Variants in CNTN4 observed in about 807,000 individuals in gnomAD.
CNTN4 encodes the protein contactin 4, also known as contactin-4.
CNTN4 carries 77 observed loss-of-function variants against 122.5 expected under a neutral mutation model. The ratio of observed to expected loss-of-function variants is 0.63; its 90% CI spans 0.52 to 0.76. CNTN4 has a LOEUF of 0.76. Among genes scored for constraint, CNTN4 ranks in the 30% least tolerant of loss-of-function variants. The pLI is 0.00. For missense variants in CNTN4, 1,256 were observed against 1,259.1 expected, an observed-to-expected ratio of 1.00 and a Z score of 0.04; for synonymous variants, 512 against 447.0, an observed-to-expected ratio of 1.15 and a Z score of -1.83.
chr3:2,366,595 C>T (rs887429332), intron 3 of CNTN4, among the ~76,000 whole-genome samples: 2 of 151,746 alleles, frequency 1.3e-5, no homozygotes, highest in South Asian at 2.1e-4. Context: ...GGCATGGTGG[C>T]GGGCGCCTGT....
At chr3:2,676,846 G>T (rs1050499622) in intron 4 of CNTN4, among the ~76,000 whole-genome samples, 26 of 152,210 alleles carry the variant, frequency 1.7e-4, no homozygotes, top group African/African-American at 6.3e-4. Context: ...TAGAGAGCAT[G>T]TATCATCCAG....
At chr3:2,291,119 C>A (rs934479849) in intron 2 of CNTN4, among the ~76,000 whole-genome samples, 2 of 152,132 alleles carry the variant, frequency 1.3e-5, no homozygotes, top group African/African-American at 4.8e-5. Flanking sequence ...CCCATCACTG[C>A]AGATGTGATG....
At chr3:2,603,488 G>T (rs1185534509) in intron 4 of CNTN4, among the ~76,000 whole-genome samples, 2 of 152,172 alleles carry the variant, frequency 1.3e-5, no homozygotes, top group Non-Finnish European at 2.9e-5. Flanking sequence ...CTGGCAGTCT[G>T]CTGATTAAAG....
intron 4 of CNTN4, among the ~76,000 whole-genome samples, chr3:2,718,574 C>G (rs1336186722): frequency 2.0e-5 from 3 of 152,152 alleles, no homozygotes; most frequent in African/African-American, 4.8e-5. Context: ...TTTATGGCTT[C>G]TAACACAACC....
At chr3:2,613,443 GA>G (rs200788454) in intron 4 of CNTN4, among the ~76,000 whole-genome samples, 1,714 of 151,328 alleles carry the variant, frequency 0.011, 30 homozygotes, top group African/African-American at 0.04. Flanking sequence ...GATTCCAGTA[GA>G]AAAAAAAGAA....
intron 2 of CNTN4, among the ~76,000 whole-genome samples, chr3:2,257,086 C>G (rs1012802927): frequency 2.0e-5 from 3 of 152,150 alleles, no homozygotes; most frequent in African/African-American, 7.2e-5. Context: ...GGTACCAGAA[C>G]AGATACATAG....
intron 2 of CNTN4, among the ~76,000 whole-genome samples, chr3:2,332,996 T>C (rs2043799584): frequency 6.6e-6 from 1 of 152,196 alleles, no homozygotes; most frequent in Non-Finnish European, 1.5e-5. Flanking sequence ...CAGTTTCCTA[T>C]GTTGATGTCA....
chr3:2,102,885 A>G (rs2032100618), intron 2 of CNTN4, among the ~76,000 whole-genome samples: 1 of 151,698 alleles, frequency 6.6e-6, no homozygotes, highest in Admixed American at 6.6e-5. Context: ...TTCCATGTTC[A>G]ATAACTGTTA....
At chr3:2,779,457 C>A in intron 6 of CNTN4, among the ~76,000 whole-genome samples, 1 of 152,124 alleles carries the variant, frequency 6.6e-6, no homozygotes, top group East Asian at 1.9e-4. Context: ...CCTTGGCCTC[C>A]CAAAGTGCTG....
chr3:2,760,688 C>CATT (rs2090547949), intron 6 of CNTN4, among the ~76,000 whole-genome samples: 2 of 152,190 alleles, frequency 1.3e-5, no homozygotes, highest in South Asian at 4.1e-4. Context: ...CTCTATCCTA[C>CATT]ATTCCCTGCA....
intron 8 of CNTN4, among the ~76,000 whole-genome samples, chr3:2,867,969 A>G (rs1185450715): frequency 6.6e-6 from 1 of 152,194 alleles, no homozygotes; most frequent in East Asian, 1.9e-4. Context: ...AAACAAAGAC[A>G]TAATTAAGCC....
intron 6 of CNTN4, among the ~76,000 whole-genome samples, chr3:2,808,514 A>T (rs114569825): frequency 6.6e-6 from 1 of 152,270 alleles, no homozygotes; most frequent in Non-Finnish European, 1.5e-5. Context: ...TCTATCAGTT[A>T]TAAAATTATC....
At chr3:2,579,138 A>G (rs2079823702) in intron 4 of CNTN4, among the ~76,000 whole-genome samples, 1 of 152,230 alleles carries the variant, frequency 6.6e-6, no homozygotes, top group Non-Finnish European at 1.5e-5. Context: ...TGGGTCCATT[A>G]GATATGCTCA....
At chr3:2,627,573 A>G (rs760277725) in intron 4 of CNTN4, among the ~76,000 whole-genome samples, 52 of 146,978 alleles carry the variant, frequency 3.5e-4, no homozygotes, top group African/African-American at 6.3e-4. Flanking sequence ...GGCTCACTGC[A>G]AGCTCCGCCT....
rs151335167 is a variant in CNTN4 at position 2,337,401 on chromosome 3, A to C, written c.-144-1777A>C. Among the ~76,000 whole-genome samples the C allele has an allele frequency of 1.5e-3, 229 of 152,254 alleles. 2 individuals are homozygous for C. The highest frequency in any genetic ancestry group is 5.3e-3 in the African/African-American group (221 of 41,556). On this transcript the variant is annotated intron_variant, in intron 2 of 24. Coordinates refer to ENST00000418658, the MANE Select transcript of CNTN4 (RefSeq NM_175607.3). ...ATGAAACTATCCATAATGTATGAGA[A>C]TCTCTTGCCAATGTTACTGCTACTA...
At chr3:2,843,444 C>T (rs1191862429) in intron 7 of CNTN4, among the ~76,000 whole-genome samples, 2 of 152,076 alleles carry the variant, frequency 1.3e-5, no homozygotes, top group Admixed American at 1.3e-4. Flanking sequence ...TTTCTCCAGC[C>T]TTTTGTTACA....
intron 2 of CNTN4, among the ~76,000 whole-genome samples, chr3:2,151,234 A>G (rs1574947539): frequency 6.6e-6 from 1 of 152,300 alleles, no homozygotes; most frequent in Admixed American, 6.5e-5. Flanking sequence ...CAACAAGTAA[A>G]TATTTTTGAC....
chr3:2,317,936 C>T (rs2043161142), intron 2 of CNTN4, among the ~76,000 whole-genome samples: 1 of 152,266 alleles, frequency 6.6e-6, no homozygotes, highest in African/African-American at 2.4e-5. Flanking sequence ...TTACAGGATT[C>T]AACAGAACAC....
At chr3:2,773,091 G>A (rs1377323281) in intron 6 of CNTN4, among the ~76,000 whole-genome samples, 2 of 152,008 alleles carry the variant, frequency 1.3e-5, no homozygotes, top group East Asian at 1.9e-4. Flanking sequence ...CCAGATAGTG[G>A]GGTTGTAGAG....
Sources: gnomAD v4.1 joint callset for allele counts (sites outside exome capture counted in the v4.1 genomes callset) on GRCh38, gnomAD v4.1.1 for gene constraint, MANE v1.5 for transcripts, NCBI Gene and HGNC (gene_info 2026-07-23, HGNC 2026-07-21) for gene names.